Variants in RPAP1 observed in about 807,000 individuals in gnomAD.
The protein encoded by RPAP1 is RNA polymerase II-associated protein 1.
RPAP1 carries 109 observed loss-of-function variants against 142.4 expected under a neutral mutation model. That is an observed-to-expected ratio of 0.77 (90% CI 0.66 to 0.90). RPAP1 has a LOEUF of 0.90. Among genes scored for constraint, RPAP1 ranks in the 40% least tolerant of loss-of-function variants. The pLI is 0.00. For missense variants in RPAP1, 1,546 were observed against 1,751.7 expected (o/e 0.88, Z 2.10); for synonymous variants, 704 against 738.9 (o/e 0.95, Z 0.77).
chr15:41,531,018 C>T lies in RPAP1; in HGVS notation c.943+5G>A, dbSNP rs193049618. On this transcript the variant is annotated splice_donor_5th_base_variant and intron_variant, in intron 7 of 24. Transcript: ENST00000304330. ...ACCAAAATATGACCCCCGCCTCCTG[C>T]AAACCTGGGGCTTCTGGCTCCAGCT... The T allele has an allele frequency of 1.3e-4, 205 of 1,606,488 alleles. No individual in the cohort carries two copies. Among genetic ancestry groups the T allele is most frequent in the Non-Finnish European group, 1.7e-4 (195 of 1,173,724 alleles).
chr15:41,519,220 T>G (rs1055534878), intron 22 of RPAP1, among the ~76,000 whole-genome samples: 8 of 152,008 alleles, frequency 5.3e-5, no homozygotes, highest in Non-Finnish European at 1.5e-5. Flanking sequence ...TTATTTTTCT[T>G]TTTTGAGATG....
At chr15:41,530,602 T>C (rs1421458176) in intron 7 of RPAP1, among the ~76,000 whole-genome samples, 2 of 152,210 alleles carry the variant, frequency 1.3e-5, no homozygotes, top group African/African-American at 2.4e-5. Flanking sequence ...GTCTGGCATG[T>C]TCATAAGATC....
intron 4 of RPAP1, 33 bp from the exon 5 acceptor site, chr15:41,535,665 T>C (rs775050803): frequency 6.2e-7 from 1 of 1,604,554 alleles, no homozygotes; most frequent in Non-Finnish European, 8.5e-7. Context: ...AGGTTACTGA[T>C]GCTCATCATC....
Position 41,529,484 on chromosome 15 carries a change from C to T in RPAP1, c.1144G>A (p.Gly382Arg). Reference sequence around the variant, plus strand: ...CCATGCCTCACCTCTGCCTCCTCTCCATGGTGGTGCAGACCCAGGTGGGTG... The same window carrying T: ...CCATGCCTCACCTCTGCCTCCTCTCTATGGTGGTGCAGACCCAGGTGGGTG... ...LPTHLGLHHHGEEAERAGYSL... is the reference protein window; with the variant it reads ...LPTHLGLHHHREEAERAGYSL... The change falls in exon 9 of 25, where the codon GGA becomes AGA. Residue 382 changes from glycine (G) to arginine (R), a missense_variant. Physicochemically the swap from Gly to Arg is moderately radical, Grantham distance 125. Coordinates refer to ENST00000304330, the MANE Select transcript of RPAP1 (RefSeq NM_015540.4). The T allele has an allele frequency of 6.2e-7, 1 of 1,612,364 alleles. No individual in the cohort carries two copies. Among genetic ancestry groups the T allele is most frequent in the Non-Finnish European group, 8.5e-7 (1 of 1,178,894 alleles).
At position 41,523,841 on chromosome 15, in the gene RPAP1, C is replaced by G; in HGVS notation, c.2366G>C (p.Arg789Thr). The G allele has an allele frequency of 6.2e-7, 1 of 1,609,676 alleles. No individual in the cohort carries two copies. The highest frequency in any genetic ancestry group is 8.5e-7 in the Non-Finnish European group (1 of 1,178,070). Reference protein sequence around the residue: ...LKLLSRPEMWRAVGPVPVACL... With the variant: ...LKLLSRPEMWTAVGPVPVACL... Reference sequence around the variant, plus strand: ...GGCAACGGGCACTGGGCCCACGGCTCTCCACATCTCAGGTCTGGACAGCAA... The same window carrying G: ...GGCAACGGGCACTGGGCCCACGGCTGTCCACATCTCAGGTCTGGACAGCAA... Residue 789 changes from arginine to threonine, a missense_variant, in exon 17 of 25, where the codon AGA becomes ACA. Coordinates refer to ENST00000304330, the MANE Select transcript of RPAP1 (RefSeq NM_015540.4).
intron 6 of RPAP1, among the ~76,000 whole-genome samples, chr15:41,534,417 C>G (rs1204154146): frequency 6.7e-6 from 1 of 148,900 alleles, no homozygotes; most frequent in Non-Finnish European, 1.5e-5. Context: ...AAACTCTGTC[C>G]CCCCAAAAAA....
Position 41,526,964 on chromosome 15 carries a change from G to C in RPAP1, c.1851C>G (p.Pro617=). ...GAAGTAGTTTCATGGCAGTAGCACA[G>C]GGTACTTTGTATAGACTAGGGGTAG... ...AGPTPSLYKV[P]CATAMKLLRV... The change falls in exon 14 of 25, where the codon CCC becomes CCG. Residue 617 remains proline (P), a synonymous_variant. Coordinates refer to ENST00000304330, the MANE Select transcript of RPAP1 (RefSeq NM_015540.4). The C allele has an allele frequency of 6.2e-7, 1 of 1,614,158 alleles. No individual in the cohort carries two copies. Among genetic ancestry groups the C allele is most frequent in the East Asian group, 2.2e-5 (1 of 44,890 alleles).
At position 41,517,700 on chromosome 15, in the gene RPAP1, A is replaced by G. The variant is rs375482407; in HGVS notation, c.4033-9T>C. Reference sequence around the variant, plus strand: ...AGGTGCTGCCGGAGACCCTGCAGAAAGGAAAGAAAACTTATGAAGTGGGTA... The same window carrying G: ...AGGTGCTGCCGGAGACCCTGCAGAAGGGAAAGAAAACTTATGAAGTGGGTA... On this transcript the variant is annotated splice_polypyrimidine_tract_variant and intron_variant, in intron 24 of 24. Transcript: ENST00000304330. The G allele has an allele frequency of 8.3e-5, 134 of 1,612,412 alleles. No individual in the cohort carries two copies. In the African/African-American group the frequency reaches 1.6e-3, roughly 19 times the overall value.
chr15:41,529,988 A>G lies in RPAP1; in HGVS notation c.944-9T>C. ...CACGGGCAATGCCAGAGCTGGGGAG[A>G]CAAAGCATGATAGTATTACCCAAAC... On this transcript the variant is annotated splice_polypyrimidine_tract_variant and intron_variant, in intron 7 of 24. Coordinates refer to ENST00000304330, the MANE Select transcript of RPAP1 (RefSeq NM_015540.4). The G allele has an allele frequency of 6.2e-7, 1 of 1,610,836 alleles. No individual in the cohort carries two copies. The highest frequency in any genetic ancestry group is 1.1e-5 in the South Asian group (1 of 90,928).
chr15:41,528,150 A>C (rs2051814494), intron 10 of RPAP1, 85 bp downstream of exon 10: 1 of 1,508,878 alleles, frequency 6.6e-7, no homozygotes, highest in Non-Finnish European at 9.1e-7. Context: ...CTAGTGAGCC[A>C]GAGTGAAAAG....
chr15:41,528,825 G>A (rs1349752997), intron 9 of RPAP1, among the ~76,000 whole-genome samples: 1 of 152,138 alleles, frequency 6.6e-6, no homozygotes, highest in African/African-American at 2.4e-5. Flanking sequence ...GTGAGCAGAG[G>A]GAAGCTGGGA....
At position 41,537,025 on chromosome 15, in the gene RPAP1, T is replaced by A. The variant is rs565194955; in HGVS notation, c.101A>T (p.Lys34Met). 239 of 1,614,114 alleles carry A rather than the reference T, an allele frequency of 1.5e-4. No individual in the cohort carries two copies. The highest frequency in any genetic ancestry group is 1.0e-3 in the Admixed American group (61 of 60,008). ...AGAAPAVQLVKKGNRGGGDAN... is the reference protein window; with the variant it reads ...AGAAPAVQLVMKGNRGGGDAN... ...ATCACCACCGCCCCTATTTCCTTTC[T>A]TCACCAACTGCACTGCTGGGGCTGC... Residue 34 changes from lysine (K) to methionine (M), a missense_variant, in exon 2 of 25, where the codon AAG (lysine) becomes ATG (methionine). By Grantham distance (95) the Lys-to-Met change is moderately conservative (BLOSUM62 -1). Coordinates refer to ENST00000304330, the MANE Select transcript of RPAP1 (RefSeq NM_015540.4).
chr15:41,527,610 C>T lies in RPAP1; in HGVS notation c.1429-5G>A, dbSNP rs1303523994. 1.2e-6 allele frequency: 2 copies of T among 1,609,368 alleles called. No individual in the cohort carries two copies. Among genetic ancestry groups the T allele is most frequent in the Non-Finnish European group, 1.7e-6 (2 of 1,178,108 alleles). ...GAAGGTGCTGTCGAGGAGCTCCTGCCAGAGGAACGGGAGTTGGGGGGCAAT... is the reference window on the plus strand; with the variant it reads ...GAAGGTGCTGTCGAGGAGCTCCTGCTAGAGGAACGGGAGTTGGGGGGCAAT... On this transcript the variant is annotated splice_polypyrimidine_tract_variant and splice_region_variant and intron_variant, in intron 11 of 24. Transcript: ENST00000304330.
Position 41,525,161 on chromosome 15 carries a change from A to T in RPAP1, c.1918-13T>A, listed in dbSNP as rs999565590. The stretch of plus-strand genomic sequence containing the variant: ...CAAAGCTGCTCAACTGGAAATGGGC[A>T]CAGTCTGAGGATCAGGGTCAGCTGT... On this transcript the variant is annotated splice_polypyrimidine_tract_variant and intron_variant, in intron 14 of 24. Coordinates refer to ENST00000304330, the MANE Select transcript of RPAP1 (RefSeq NM_015540.4). 12 of 1,599,388 alleles carry T rather than the reference A, an allele frequency of 7.5e-6. No homozygotes were observed. The highest frequency in any genetic ancestry group is 1.7e-4 in the Middle Eastern group (1 of 5,984).
chr15:41,521,674 GCT>G, intron 21 of RPAP1, 62 bp downstream of exon 21: 1 of 1,572,010 alleles, frequency 6.4e-7, no homozygotes, highest in Non-Finnish European at 8.7e-7. Flanking sequence ...ATTCAGGGCT[GCT>G]CTGTTAACAA....
rs747305742 is a variant in RPAP1 at position 41,528,050 on chromosome 15, TTGCTGAAGA to T, written c.1261-32_1261-24del. 4.3e-6 allele frequency: 7 copies of T among 1,611,936 alleles called. No homozygotes were observed. The Admixed American group carries it at 6.7e-5, about 15-fold the overall frequency. Reference sequence around the variant, plus strand: ...GGCCTGAGGGCAGGAGGGTAAAACCTTGCTGAAGATGCTGAAGTTATCTAGAGGCTTTGC... The same window carrying T: ...GGCCTGAGGGCAGGAGGGTAAAACCTTGCTGAAGTTATCTAGAGGCTTTGC... On this transcript the variant is annotated intron_variant, in intron 10 of 24. Transcript: ENST00000304330.
At position 41,522,126 on chromosome 15, in the gene RPAP1, T is replaced by C. The variant is rs2051731916; in HGVS notation, c.2867A>G (p.Tyr956Cys). 1 of 1,613,594 alleles carries C rather than the reference T, an allele frequency of 6.2e-7. No individual in the cohort carries two copies. Among genetic ancestry groups the C allele is most frequent in the African/African-American group, 1.3e-5 (1 of 74,858 alleles). ...TTTCTGGGCCAGAGCGAGTGCCAGG[T>C]ACTGCAGGTGGTACTCATGGCGCAG... Reference protein sequence around the residue: ...WALRHEYHLQYLALALAQKAA... With the variant: ...WALRHEYHLQCLALALAQKAA... The change falls in exon 20 of 25, where the codon TAC becomes TGC. Residue 956 changes from tyrosine to cysteine, a missense_variant. By Grantham distance (194) the Tyr-to-Cys change is radical. Coordinates refer to ENST00000304330, the MANE Select transcript of RPAP1 (RefSeq NM_015540.4).
chr15:41,523,264 TG>T lies in RPAP1; in HGVS notation c.2526del (p.Ser843AlafsTer145). Reference protein sequence around the residue: ...LLPLLSQPTLGSLWDSLRHCS... With the variant: ...LLPLLSQPTLXSLWDSLRHCS... ...ACATACCTAAGGGAATCCCACAGGC[TG>T]CCCAGTGTGGGCTGACTCAGCAGTG... On this transcript the variant is annotated frameshift_variant, in exon 18 of 25. Coordinates refer to ENST00000304330, the MANE Select transcript of RPAP1 (RefSeq NM_015540.4). LOFTEE classifies it high-confidence loss of function. The T allele has an allele frequency of 6.2e-7, 1 of 1,606,242 alleles. No homozygotes were observed. The highest frequency in any genetic ancestry group is 8.5e-7 in the Non-Finnish European group (1 of 1,175,842).
intron 15 of RPAP1, 76 bp downstream of exon 15, chr15:41,524,915 G>A: frequency 6.7e-6 from 10 of 1,484,412 alleles, no homozygotes; most frequent in Non-Finnish European, 9.3e-6. Flanking sequence ...CCTTGAGCAA[G>A]GCTGAGGTGT....
Sources: allele counts gnomAD v4.1 joint callset (sites outside exome capture counted in the v4.1 genomes callset), GRCh38; gene constraint gnomAD v4.1.1; transcripts MANE v1.5; gene names NCBI Gene and HGNC (gene_info 2026-07-23, HGNC 2026-07-21).